The following GTF3C1 variants were observed in gnomAD, a reference collection of about 807,000 sequenced individuals.
The protein encoded by GTF3C1 is general transcription factor 3C polypeptide 1.
Under a neutral mutation model 226.7 loss-of-function variants are expected in GTF3C1, and 57 were observed. The observed-to-expected ratio is 0.25, with a 90% CI of 0.20 to 0.31. The LOEUF (loss-of-function observed/expected upper bound fraction) is 0.31. Among genes scored for constraint, GTF3C1 ranks in the 10% least tolerant of loss-of-function variants. GTF3C1 has a pLI of 1.00. For missense variants in GTF3C1, 2,217 were observed against 2,776.1 expected (o/e 0.80, Z 4.53); for synonymous variants, 1,090 against 1,084.8 (o/e 1.00, Z -0.09).
At chr16:27,500,921 T>C (rs2088395833) in intron 12 of GTF3C1, among the ~76,000 whole-genome samples, 1 of 152,234 alleles carries the variant, frequency 6.6e-6, no homozygotes, top group South Asian at 2.1e-4. Context: ...TCAATATGTC[T>C]CTGCCTGCCT....
intron 29 of GTF3C1, among the ~76,000 whole-genome samples, chr16:27,474,416 T>C (rs2087923285): frequency 6.6e-6 from 1 of 152,060 alleles, no homozygotes; most frequent in South Asian, 2.1e-4. Flanking sequence ...GCTTTTGCCG[T>C]TGGGGCTGGG....
At chr16:27,495,757 A>T (rs1167775499) in intron 14 of GTF3C1, among the ~76,000 whole-genome samples, 1 of 152,248 alleles carries the variant, frequency 6.6e-6, no homozygotes, top group Non-Finnish European at 1.5e-5. Flanking sequence ...GAGAGGCCTC[A>T]CTGGGGAGCC....
In GTF3C1 at chr16:27,530,981, A is replaced by G. The variant is rs543594073; in HGVS notation, c.850-2260T>C. ...TTCACCTCCAAAATGTTTCTCAAAC[A>G]ATTCCAGCCCTCATGACCACAACCT... On this transcript the variant is annotated intron_variant, in intron 5 of 36. Coordinates refer to ENST00000356183, the MANE Select transcript of GTF3C1 (RefSeq NM_001520.4). Among the ~76,000 whole-genome samples, 18 of 152,316 alleles carry G rather than the reference A, an allele frequency of 1.2e-4. 1 individual carries two copies. The South Asian group carries it at 3.7e-3, about 32-fold the overall frequency.
chr16:27,488,367 A>G lies in GTF3C1; in HGVS notation c.3560T>C (p.Leu1187Pro), dbSNP rs2088175699. The G allele has an allele frequency of 1.2e-6, 2 of 1,613,794 alleles. No homozygotes were observed. Among genetic ancestry groups the G allele is most frequent in the Admixed American group, 3.3e-5 (2 of 60,020 alleles). Reference protein sequence around the residue: ...IWGEARVGSELCAGWEEQFEV... With the variant: ...IWGEARVGSEPCAGWEEQFEV... ...AAACTGCTCTTCCCAGCCAGCACAG[A>G]GCTCGGAGCCTACTCTTGCTTCCCC... The change falls in exon 23 of 37, where the codon CTC (leucine) becomes CCC (proline). Residue 1187 changes from leucine (L) to proline (P), a missense_variant. Physicochemically the swap from Leu to Pro is moderately conservative, Grantham distance 98. Transcript: ENST00000356183.
intron 27 of GTF3C1, among the ~76,000 whole-genome samples, chr16:27,480,505 A>C (rs2088027658): frequency 2.0e-5 from 3 of 152,258 alleles, no homozygotes; most frequent in Admixed American, 2.0e-4. Flanking sequence ...GGTGCTGTAC[A>C]GTTCACAGGC....
At chr16:27,520,190 C>T (rs2141425392) in intron 6 of GTF3C1, among the ~76,000 whole-genome samples, 1 of 152,324 alleles carries the variant, frequency 6.6e-6, no homozygotes, top group Non-Finnish European at 1.5e-5. Flanking sequence ...GATCGGCTCA[C>T]TGCAACCTCC....
In GTF3C1 at chr16:27,543,467, T is replaced by C. The variant is rs536470896; in HGVS notation, c.431+1847A>G. Among the ~76,000 whole-genome samples the C allele has an allele frequency of 4.4e-4, 67 of 152,320 alleles. 1 individual carries two copies. The South Asian group carries it at 0.014, about 32-fold the overall frequency. ...ATGTGGTGGTGCAATCATAACTCAC[T>C]GAAGCCTCAAACTCCTGGGCTCAAG... On this transcript the variant is annotated intron_variant, in intron 2 of 36. Transcript: ENST00000356183.
In GTF3C1 at chr16:27,505,976, A is replaced by ACAC. The variant is rs776179733; in HGVS notation, c.1690_1692dup (p.Val564dup). ...CTGTCCGCACAGTGGGAGACAAAGG[A>ACAC]CACGTTGGGTTCTGAGACGCTGCTG... On this transcript the variant is annotated inframe_insertion, in exon 10 of 37. Transcript: ENST00000356183. 3 of 1,613,504 alleles carry ACAC rather than the reference A, an allele frequency of 1.9e-6. No homozygotes were observed. Among genetic ancestry groups the ACAC allele is most frequent in the Non-Finnish European group, 2.5e-6 (3 of 1,179,402 alleles).
chr16:27,462,100 G>A lies in GTF3C1; in HGVS notation c.6117+194C>T. ...CCCCGGGCACCCCATCTTCCAGCCT[G>A]GTCAGCAGCATGGAGCTGGTGAAGG... On this transcript the variant is annotated intron_variant, in intron 36 of 36. Coordinates refer to ENST00000356183, the MANE Select transcript of GTF3C1 (RefSeq NM_001520.4). This position sits in a 1 kb window ranked among gnomAD's most constrained non-coding sequence, Gnocchi z 4.5. 2 of 588,710 alleles carry A rather than the reference G, an allele frequency of 3.4e-6. No homozygotes were observed. The highest frequency in any genetic ancestry group is 4.2e-5 in the South Asian group (2 of 47,586). 36.5% of individuals were successfully genotyped at this position (588,710 alleles called of 1,614,324 possible).
chr16:27,505,814 T>C (rs920906532), intron 10 of GTF3C1, 85 bp downstream of exon 10: 6 of 809,054 alleles, frequency 7.4e-6, no homozygotes, highest in Middle Eastern at 5.2e-4. Context: ...ATGATTCCAC[T>C]GTGATCATGT....
intron 23 of GTF3C1, 125 bp from the exon 24 acceptor site, chr16:27,486,279 T>A (rs1459515673): frequency 1.7e-6 from 1 of 573,392 alleles, no homozygotes; most frequent in East Asian, 3.0e-5. Flanking sequence ...TAGCAGATAC[T>A]CATTGTATCT....
Position 27,492,505 on chromosome 16 carries a change from A to T in GTF3C1, c.2984T>A (p.Phe995Tyr). 1 of 1,612,742 alleles carries T rather than the reference A, an allele frequency of 6.2e-7. No individual in the cohort carries two copies. The highest frequency in any genetic ancestry group is 8.5e-7 in the Non-Finnish European group (1 of 1,178,788). ...AACAATGACTGCATTCTTCTTCAAG[A>T]AGATAAAGACCTAAGGGGAGACACC... is the stretch of plus-strand genomic sequence containing the variant. ...KFQDKDQVFI[F>Y]LKKNAVIVDT... is the part of the protein sequence containing the mutation. Residue 995 changes from phenylalanine (F) to tyrosine (Y), a missense_variant, in exon 19 of 37, where the codon TTC (phenylalanine) becomes TAC (tyrosine). Physicochemically the swap from Phe to Tyr is conservative, Grantham distance 22 (BLOSUM62 3). Transcript: ENST00000356183. The surrounding 1 kb of genome is among the most constrained non-coding windows in gnomAD (Gnocchi z 5.0).
At chr16:27,494,328 G>A (rs2088279373) in intron 16 of GTF3C1, among the ~76,000 whole-genome samples, 1 of 151,060 alleles carries the variant, frequency 6.6e-6, no homozygotes, top group African/African-American at 2.4e-5. Context: ...GTGAAACTGG[G>A]AGGCAGAGGT....
intron 1 of GTF3C1, among the ~76,000 whole-genome samples, chr16:27,548,149 T>G (rs968748373): frequency 4.6e-5 from 7 of 152,248 alleles, no homozygotes; most frequent in Non-Finnish European, 1.0e-4. Flanking sequence ...TAGCTATTCC[T>G]CATTCCCTAC....
intron 12 of GTF3C1, 142 bp downstream of exon 12, chr16:27,501,049 C>T: frequency 1.5e-6 from 1 of 680,828 alleles, no homozygotes; most frequent in Non-Finnish European, 2.5e-6. Context: ...AACCCATATT[C>T]CCCAAATCAG....
chr16:27,497,910 C>A (rs891358024), intron 13 of GTF3C1, 89 bp from the exon 14 acceptor site: 55 of 1,071,794 alleles, frequency 5.1e-5, no homozygotes, highest in Non-Finnish European at 7.4e-5. Flanking sequence ...TCAGATACAG[C>A]CTCTTGGCCT....
Position 27,489,156 on chromosome 16 carries a change from C to T in GTF3C1, c.3316G>A (p.Glu1106Lys), listed in dbSNP as rs2088192158. 2 of 1,614,140 alleles carry T rather than the reference C, an allele frequency of 1.2e-6. No individual in the cohort carries two copies. Among genetic ancestry groups the T allele is most frequent in the Non-Finnish European group, 1.7e-6 (2 of 1,179,990 alleles). ...AGCCCATCTCCAGGGATCAAGCCTTCATCCACCACCTCACGGCTTCCACTA... is the reference window on the plus strand; with the variant it reads ...AGCCCATCTCCAGGGATCAAGCCTTTATCCACCACCTCACGGCTTCCACTA... ...YTTGSREVVD[E>K]GLIPGDGLGA... The change falls in exon 21 of 37, where the codon GAA (glutamate) becomes AAA (lysine). Residue 1106 changes from glutamate to lysine, a missense_variant. Around this residue, in one of 12 missense-constraint regions of GTF3C1, gnomAD observed 353 missense variants for 411.7 expected, o/e 0.86. Transcript: ENST00000356183.
Position 27,470,276 on chromosome 16 carries a change from T to C in GTF3C1, c.4646A>G (p.Asn1549Ser), listed in dbSNP as rs2087848780. 13 of 1,613,918 alleles carry C rather than the reference T, an allele frequency of 8.1e-6. No homozygotes were observed. Among genetic ancestry groups the C allele is most frequent in the African/African-American group, 2.7e-5 (2 of 74,926 alleles). Residue 1549 changes from asparagine (N) to serine (S), a missense_variant, in exon 31 of 37, where the codon AAT (asparagine) becomes AGT (serine). Transcript: ENST00000356183. The surrounding 1 kb of genome is among the most constrained non-coding windows in gnomAD (Gnocchi z 4.9). Reference sequence around the variant, plus strand: ...CACCATGTCGTTTGTGGGCTCGTTATTATCCTGGTCTTTGAAAGAGAAACG... The same window carrying C: ...CACCATGTCGTTTGTGGGCTCGTTACTATCCTGGTCTTTGAAAGAGAAACG... ...PDRFSFKDQD[N>S]NEPTNDMVAF...
chr16:27,491,907 C>T (rs927364534), intron 19 of GTF3C1, among the ~76,000 whole-genome samples: 12 of 152,282 alleles, frequency 7.9e-5, no homozygotes, highest in African/African-American at 2.9e-4. Flanking sequence ...AAGGCTGTTC[C>T]CGAGCCCTGG....
Sources: gnomAD v4.1 joint callset for allele counts (sites outside exome capture counted in the v4.1 genomes callset) on GRCh38, gnomAD v4.1.1 for gene constraint, gnomAD v4.1.1 regional missense constraint, Gnocchi (gnomAD v3.1) non-coding constraint, MANE v1.5 for transcripts, NCBI Gene and HGNC (gene_info 2026-07-23, HGNC 2026-07-21) for gene names.